Variants in ADCY10 observed in about 807,000 individuals in gnomAD.
ADCY10 encodes the protein adenylate cyclase 10.
In ADCY10, 156 loss-of-function variants were observed where a neutral mutation model predicts 183.3. That is an observed-to-expected ratio of 0.85 (90% CI 0.75 to 0.97). The LOEUF (loss-of-function observed/expected upper bound fraction) is 0.97, where lower values mean the gene tolerates loss of function less well. ADCY10 is among the 50% of genes least tolerant of loss of function. ADCY10 has a pLI of 0.00. For synonymous variants in ADCY10, 645 were observed against 670.0 expected, an observed-to-expected ratio of 0.96 and a Z score of 0.58; for missense variants, 1,745 against 1,934.3, an observed-to-expected ratio of 0.90 and a Z score of 1.84.
intron 13 of ADCY10, among the ~76,000 whole-genome samples, chr1:167,871,702 C>T (rs542863287): frequency 2.0e-5 from 3 of 152,178 alleles, no homozygotes; most frequent in Admixed American, 1.3e-4. Context: ...GTTGAAGGAC[C>T]ATTAATTCAA....
chr1:167,830,333 A>G (rs1663624551), intron 25 of ADCY10, among the ~76,000 whole-genome samples: 1 of 151,742 alleles, frequency 6.6e-6, no homozygotes. Flanking sequence ...ACCTTGGCAA[A>G]ATAAACTTAC....
intron 13 of ADCY10, among the ~76,000 whole-genome samples, chr1:167,874,836 A>AC (rs1667340892): frequency 6.6e-6 from 1 of 152,240 alleles, no homozygotes; most frequent in East Asian, 1.9e-4. Flanking sequence ...TATATAACAT[A>AC]CCATTGAGTA....
chr1:167,854,524 A>T (rs770311394), intron 17 of ADCY10, 35 bp from the exon 18 acceptor site: 1 of 1,613,588 alleles, frequency 6.2e-7, no homozygotes, highest in Non-Finnish European at 8.5e-7. Flanking sequence ...TTTACATTGA[A>T]GATACATCTT....
At chr1:167,863,797 C>T (rs545675777) in intron 14 of ADCY10, among the ~76,000 whole-genome samples, 7 of 152,202 alleles carry the variant, frequency 4.6e-5, no homozygotes, top group African/African-American at 7.2e-5. Flanking sequence ...GGCTGAACAC[C>T]GGGAAGGAAT....
At chr1:167,880,329 G>T in intron 10 of ADCY10, 138 bp from the exon 11 acceptor site, 1 of 989,814 alleles carries the variant, frequency 1.0e-6, no homozygotes, top group Non-Finnish European at 1.6e-6. Context: ...TTAGTTTATG[G>T]CATTTCTACA....
chr1:167,851,311 C>T (rs1024477572), intron 18 of ADCY10, among the ~76,000 whole-genome samples: 2 of 152,186 alleles, frequency 1.3e-5, no homozygotes, highest in South Asian at 4.1e-4. Context: ...CTCAGCCTCC[C>T]AGGTAGCTGG....
intron 12 of ADCY10, among the ~76,000 whole-genome samples, chr1:167,876,924 C>T (rs1461278783): frequency 6.6e-6 from 1 of 152,140 alleles, no homozygotes; most frequent in Admixed American, 6.5e-5. Flanking sequence ...GAAGATGAGA[C>T]ACATAGAGCC....
At chr1:167,885,260 G>C (rs1001939841) in intron 8 of ADCY10, among the ~76,000 whole-genome samples, 1 of 152,150 alleles carries the variant, frequency 6.6e-6, no homozygotes, top group Non-Finnish European at 1.5e-5. Context: ...GGGAGTGTAG[G>C]TATCTCTTCA....
intron 8 of ADCY10, among the ~76,000 whole-genome samples, chr1:167,885,326 T>C (rs886609383): frequency 5.3e-4 from 80 of 152,338 alleles, no homozygotes; most frequent in Non-Finnish European, 1.8e-4. Flanking sequence ...TTCTAGATTG[T>C]ATGGTAGCTC....
chr1:167,869,348 T>C (rs945412829), intron 14 of ADCY10, among the ~76,000 whole-genome samples: 1 of 152,138 alleles, frequency 6.6e-6, no homozygotes, highest in Non-Finnish European at 1.5e-5. Flanking sequence ...TATCAATCTA[T>C]TGCACAAGAA....
chr1:167,851,588 C>T (rs957626121), intron 18 of ADCY10, among the ~76,000 whole-genome samples: 68 of 151,936 alleles, frequency 4.5e-4, no homozygotes, highest in African/African-American at 1.5e-3. Flanking sequence ...TTTGGGAGGC[C>T]GAGGTGGGTG....
intron 3 of ADCY10, among the ~76,000 whole-genome samples, chr1:167,902,845 TTC>T (rs1160111166): frequency 6.6e-6 from 1 of 152,250 alleles, no homozygotes; most frequent in African/African-American, 2.4e-5. Context: ...CTCTAAGTGC[TTC>T]AGCATCCATC....
chr1:167,849,721 T>C (rs1052475582), intron 18 of ADCY10, among the ~76,000 whole-genome samples: 2 of 152,196 alleles, frequency 1.3e-5, no homozygotes, highest in Admixed American at 1.3e-4. Context: ...AAGAGTAACA[T>C]GTTGTGGGAA....
At chr1:167,875,447 G>C (rs1057167754) in intron 12 of ADCY10, among the ~76,000 whole-genome samples, 3 of 152,206 alleles carry the variant, frequency 2.0e-5, no homozygotes, top group East Asian at 1.9e-4. Context: ...GTCTGCACTG[G>C]TAGAGAAACC....
At chr1:167,817,756 C>T (rs1445108596) in intron 31 of ADCY10, among the ~76,000 whole-genome samples, 2 of 152,088 alleles carry the variant, frequency 1.3e-5, no homozygotes, top group South Asian at 2.1e-4. Context: ...CCTTTTAAAT[C>T]GTGATGTGAA....
At chr1:167,879,736 A>G (rs1369256538) in intron 11 of ADCY10, among the ~76,000 whole-genome samples, 5 of 152,060 alleles carry the variant, frequency 3.3e-5, no homozygotes, top group Admixed American at 6.5e-5. Flanking sequence ...ACTTATTACT[A>G]CTCTCTTTTG....
chr1:167,845,755 C>A lies in ADCY10; in HGVS notation c.2815G>T (p.Glu939Ter). The change falls in exon 21 of 33, where the codon GAG (glutamate) becomes TAG (stop). Residue 939 changes from glutamate (E) to a stop codon, truncating the protein, a stop_gained. Transcript: ENST00000367851. LOFTEE classifies it high-confidence loss of function. ...TTTCTCTGGTCCTTGAGCCACAGCT[C>A]GTAGGCTGTTTTCTGCATCATAGGG... ...CNPMMQKTAY[E>*]LWLKDQRKAM... The A allele has an allele frequency of 1.2e-6, 2 of 1,614,204 alleles. No individual in the cohort carries two copies. Among genetic ancestry groups the A allele is most frequent in the Non-Finnish European group, 1.7e-6 (2 of 1,180,036 alleles).
At chr1:167,859,733 C>A in intron 16 of ADCY10, 74 bp downstream of exon 16, 1 of 1,149,584 alleles carries the variant, frequency 8.7e-7, no homozygotes, top group South Asian at 1.2e-5. Context: ...GGTCTGAACT[C>A]CTCAAACCAC....
intron 1 of ADCY10, among the ~76,000 whole-genome samples, chr1:167,910,333 T>C (rs1670071834): frequency 6.6e-6 from 1 of 152,252 alleles, no homozygotes; most frequent in African/African-American, 2.4e-5. Context: ...CATTGACCTC[T>C]TTAAAATTCA....
Sources: allele counts gnomAD v4.1 joint callset (sites outside exome capture counted in the v4.1 genomes callset), GRCh38; gene constraint gnomAD v4.1.1; transcripts MANE v1.5; gene names NCBI Gene and HGNC (gene_info 2026-07-23, HGNC 2026-07-21).